Variants in CSRNP3 observed in about 807,000 individuals in gnomAD.
CSRNP3 encodes the protein cysteine/serine-rich nuclear protein 3.
A neutral mutation model predicts 48.0 loss-of-function variants in CSRNP3; 12 were observed. That is an observed-to-expected ratio of 0.25 (90% CI 0.16 to 0.41). CSRNP3 has a LOEUF of 0.41. Ranked by LOEUF, CSRNP3 falls within the 10% of genes least tolerant of loss-of-function variation. The probability of loss-of-function intolerance (pLI) is 1.00; values close to 1 mark genes in which losing one functional copy is unlikely to be tolerated. For missense variants in CSRNP3, 580 were observed against 724.4 expected (o/e 0.80, Z 2.29); for synonymous variants, 263 against 269.7 (o/e 0.98, Z 0.24).
At chr2:165,476,388 A>G (rs188960935) in intron 1 of CSRNP3, among the ~76,000 whole-genome samples, 202 of 152,344 alleles carry the variant, frequency 1.3e-3, no homozygotes, top group South Asian at 4.6e-3. Flanking sequence ...GTCCTTTGAT[A>G]TAAATATCAC....
chr2:165,662,324 G>A (rs996623971), intron 5 of CSRNP3, among the ~76,000 whole-genome samples: 1 of 151,984 alleles, frequency 6.6e-6, no homozygotes, highest in African/African-American at 2.4e-5. Context: ...TTCTATTTGG[G>A]GGAGTTCAAG....
At position 165,686,008 on chromosome 2, in the gene CSRNP3, T is replaced by C. The variant is rs1176393134; in HGVS notation, c.*6255T>C. On this transcript the variant is annotated 3_prime_UTR_variant, in exon 7 of 7. Coordinates refer to ENST00000651982, the MANE Select transcript of CSRNP3 (RefSeq NM_001172173.2). ...GGTAGAAATTAGCCTTGCCATTGTCTAAGTTAATTTATGTGACCTGATTGA... is the reference window on the plus strand; with the variant it reads ...GGTAGAAATTAGCCTTGCCATTGTCCAAGTTAATTTATGTGACCTGATTGA... 1.3e-5 allele frequency: 2 copies of C among 152,122 alleles called. No individual in the cohort carries two copies. Among genetic ancestry groups the C allele is most frequent in the Non-Finnish European group, 2.9e-5 (2 of 67,980 alleles). The allele number at this position is 152,122 out of a possible 1,614,324, so 9.4% of individuals were successfully genotyped here. A position where few individuals can be genotyped will look rare whatever the true frequency, so the allele number is the denominator to read the frequency against.
At chr2:165,586,270 A>G (rs1268125933) in intron 3 of CSRNP3, among the ~76,000 whole-genome samples, 1 of 152,132 alleles carries the variant, frequency 6.6e-6, no homozygotes, top group Non-Finnish European at 1.5e-5. Context: ...CACCCAAATG[A>G]CTTTACATGT....
chr2:165,474,762 T>C (rs1025415930), intron 1 of CSRNP3, among the ~76,000 whole-genome samples: 22 of 152,182 alleles, frequency 1.4e-4, no homozygotes, highest in African/African-American at 5.1e-4. Flanking sequence ...AAAAGCATGG[T>C]GTGGCCAGAT....
At chr2:165,606,564 A>T (rs975177302) in intron 4 of CSRNP3, among the ~76,000 whole-genome samples, 5 of 152,122 alleles carry the variant, frequency 3.3e-5, no homozygotes, top group African/African-American at 9.7e-5. Context: ...ATTGACAAGC[A>T]TGTGCTGAAG....
intron 4 of CSRNP3, among the ~76,000 whole-genome samples, chr2:165,643,817 A>G (rs1185031309): frequency 2.0e-5 from 3 of 152,156 alleles, no homozygotes; most frequent in Non-Finnish European, 1.5e-5. Context: ...TGAATTATCT[A>G]TCTTAGAACA....
chr2:165,473,873 A>T (rs1683924537), intron 1 of CSRNP3, among the ~76,000 whole-genome samples: 1 of 152,192 alleles, frequency 6.6e-6, no homozygotes, highest in Non-Finnish European at 1.5e-5. Flanking sequence ...AAGGTATTTA[A>T]TTCAAGATTA....
At chr2:165,535,525 T>C (rs1684870732) in intron 3 of CSRNP3, among the ~76,000 whole-genome samples, 1 of 151,846 alleles carries the variant, frequency 6.6e-6, no homozygotes, top group South Asian at 2.1e-4. Flanking sequence ...ACAGATGATA[T>C]ACAAGATGGC....
At chr2:165,529,440 C>T (rs1163677909) in intron 3 of CSRNP3, among the ~76,000 whole-genome samples, 2 of 152,110 alleles carry the variant, frequency 1.3e-5, no homozygotes, top group African/African-American at 4.8e-5. Flanking sequence ...TCCCTCTTGC[C>T]ACCACCAGGT....
intron 3 of CSRNP3, among the ~76,000 whole-genome samples, chr2:165,525,488 CTTT>C (rs766376805): frequency 2.2e-5 from 3 of 133,880 alleles, no homozygotes; most frequent in Non-Finnish European, 3.2e-5. Context: ...TCTTCTTCTT[CTTT>C]TTTTTTTTTT....
chr2:165,661,486 T>C (rs1687096004), intron 5 of CSRNP3, among the ~76,000 whole-genome samples: 1 of 152,176 alleles, frequency 6.6e-6, no homozygotes, highest in African/African-American at 2.4e-5. Context: ...CCCAATACCC[T>C]GTATCATGCA....
chr2:165,572,501 A>T (rs1287638747), intron 3 of CSRNP3: 1 of 152,198 alleles, frequency 6.6e-6, no homozygotes, highest in Non-Finnish European at 1.5e-5. Context: ...GTCTTCGGTG[A>T]TGCTGACACA....
intron 4 of CSRNP3, among the ~76,000 whole-genome samples, chr2:165,645,800 C>T (rs1481164606): frequency 1.3e-5 from 2 of 152,192 alleles, no homozygotes; most frequent in East Asian, 3.8e-4. Flanking sequence ...GGCTGGAGTG[C>T]AATGGCAAGA....
intron 3 of CSRNP3, among the ~76,000 whole-genome samples, chr2:165,585,214 T>G (rs921198600): frequency 9.0e-5 from 6 of 67,012 alleles, no homozygotes; most frequent in South Asian, 4.4e-4. Flanking sequence ...CATAATGTGT[T>G]TTTTTTTTTT....
Position 165,686,684 on chromosome 2 carries a change from A to C in CSRNP3, c.*6931A>C, listed in dbSNP as rs1264652058. The C allele has an allele frequency of 3.3e-5, 5 of 152,052 alleles. No individual in the cohort carries two copies. The highest frequency in any genetic ancestry group is 7.4e-5 in the Non-Finnish European group (5 of 67,996). The allele number at this position is 152,052 out of a possible 1,614,324, so 9.4% of individuals were successfully genotyped here. ...ATGATATCTGAAAGTGATTGATTTT[A>C]AGATGTAATAGTTGGCAAAGTCATT... On this transcript the variant is annotated 3_prime_UTR_variant, in exon 7 of 7. Transcript: ENST00000651982.
At chr2:165,550,285 A>G (rs948929578) in intron 3 of CSRNP3, among the ~76,000 whole-genome samples, 1 of 152,218 alleles carries the variant, frequency 6.6e-6, no homozygotes, top group African/African-American at 2.4e-5. Flanking sequence ...ATATTGTAGA[A>G]TATTATTATA....
chr2:165,488,575 AC>A lies in CSRNP3; in HGVS notation c.-282-6183del, dbSNP rs200126137. Among the ~76,000 whole-genome samples the A allele has an allele frequency of 1.8e-3, 258 of 143,806 alleles. 3 individuals are homozygous for A. The East Asian group carries it at 0.035, about 20-fold the overall frequency. 94.3% of individuals were successfully genotyped at this position (143,806 alleles called of 152,430 possible). A position where few individuals can be genotyped will look rare whatever the true frequency, so the allele number is the denominator to read the frequency against. On this transcript the variant is annotated intron_variant, in intron 1 of 6. Transcript: ENST00000651982. ...AACTCTCCTCAGCAAATGTAAAAGA[AC>A]AGAAATTATAACAAACTATCTCTCA...
chr2:165,657,675 AT>A, intron 4 of CSRNP3, 85 bp from the exon 5 acceptor site: 1 of 1,526,780 alleles, frequency 6.5e-7, no homozygotes, highest in Non-Finnish European at 9.0e-7. Context: ...CCACAGATAG[AT>A]TCAAGATCAC....
intron 2 of CSRNP3, among the ~76,000 whole-genome samples, chr2:165,497,391 T>C (rs1483307901): frequency 6.6e-6 from 1 of 152,064 alleles, no homozygotes; most frequent in Non-Finnish European, 1.5e-5. Flanking sequence ...TAATTGAGTG[T>C]GTAATCAGAA....
Sources: gnomAD v4.1 joint callset for allele counts (sites outside exome capture counted in the v4.1 genomes callset) on GRCh38, gnomAD v4.1.1 for gene constraint, MANE v1.5 for transcripts, NCBI Gene and HGNC (gene_info 2026-07-23, HGNC 2026-07-21) for gene names.